ATP2A3: variants seen among roughly 807,000 people sequenced by gnomAD.
ATP2A3 encodes sarcoplasmic/endoplasmic reticulum calcium ATPase 3.
A neutral mutation model predicts 106.8 loss-of-function variants in ATP2A3; 61 were observed. The ratio of observed to expected loss-of-function variants is 0.57; its 90% CI spans 0.46 to 0.71. The LOEUF (loss-of-function observed/expected upper bound fraction) is 0.71. ATP2A3 is among the 30% of genes least tolerant of loss of function. The pLI, the probability that ATP2A3 is intolerant of heterozygous loss-of-function variation, is 0.00. For synonymous variants in ATP2A3, 611 were observed against 609.3 expected, an observed-to-expected ratio of 1.00 and a Z score of -0.04; for missense variants, 1,201 against 1,423.5, an observed-to-expected ratio of 0.84 and a Z score of 2.52.
chr17:3,956,370 T>C (rs2054781361), intron 1 of ATP2A3, among the ~76,000 whole-genome samples: 1 of 152,118 alleles, frequency 6.6e-6, no homozygotes, highest in Non-Finnish European at 1.5e-5. Flanking sequence ...AAGAAGGATG[T>C]GTATTCGTGC....
intron 5 of ATP2A3, 99 bp from the exon 6 acceptor site, chr17:3,950,872 G>C: frequency 8.3e-7 from 1 of 1,202,758 alleles, no homozygotes; most frequent in Admixed American, 2.0e-5. Flanking sequence ...GCTGGGCGTC[G>C]GGTGCCTGAG....
rs1597699610 is a variant in ATP2A3 at position 3,964,376 on chromosome 17, G to C, written c.-85C>G. On this transcript the variant is annotated 5_prime_UTR_variant, in exon 1 of 21. Coordinates refer to ENST00000397041, the MANE Select transcript of ATP2A3 (RefSeq NM_005173.4). ...CTACAAAGCGGGGCGCGGGGGACTC[G>C]GGCCCGGGCGGGCGCCGCGCGAGGC... The C allele has an allele frequency of 1.4e-6, 1 of 718,860 alleles. No individual in the cohort carries two copies. The highest frequency in any genetic ancestry group is 6.2e-5 in the South Asian group (1 of 16,120). 44.5% of individuals were successfully genotyped at this position (718,860 alleles called of 1,614,324 possible). A position where few individuals can be genotyped will look rare whatever the true frequency, so the allele number is the denominator to read the frequency against.
chr17:3,963,085 G>T (rs1423400575), intron 1 of ATP2A3, among the ~76,000 whole-genome samples: 4 of 152,214 alleles, frequency 2.6e-5, no homozygotes, highest in Non-Finnish European at 5.9e-5. Flanking sequence ...ATAAGAGGTG[G>T]TTTTCATAAA....
rs1011902685 is a variant in ATP2A3, at chr17:3,964,280, C to T, written c.12G>A (p.Ala4=). 2.4e-6 allele frequency: 3 copies of T among 1,271,214 alleles called. No individual in the cohort carries two copies. Among genetic ancestry groups the T allele is most frequent in the South Asian group, 1.7e-5 (1 of 58,746 alleles). The allele number at this position is 1,271,214 out of a possible 1,614,324, so 78.7% of individuals were successfully genotyped here. A position where few individuals can be genotyped will look rare whatever the true frequency, so the allele number is the denominator to read the frequency against. The change falls in exon 1 of 21, where the codon GCG becomes GCA. Residue 4 remains alanine, a synonymous_variant. Transcript: ENST00000397041. MEA[A]HLLPAADVLR... ...GCACGTCGGCGGCCGGGAGCAGATG[C>T]GCCGCCTCCATGCCGCCCGCCCGGC...
chr17:3,953,484 CAG>C lies in ATP2A3; in HGVS notation c.137-57_137-56del, dbSNP rs2054574846. The C allele has an allele frequency of 1.3e-6, 2 of 1,592,162 alleles. No individual in the cohort carries two copies. The highest frequency in any genetic ancestry group is 3.3e-5 in the Admixed American group (2 of 59,896). On this transcript the variant is annotated intron_variant, in intron 2 of 20. Transcript: ENST00000397041. This position sits in a 1 kb window ranked among gnomAD's most constrained non-coding sequence, Gnocchi z 5.1. ...GCCCCCACCACTGACCCTGCCCACT[CAG>C]AGCTGGGATGGCCCGGGAGACCTCC...
chr17:3,929,197 G>A lies in ATP2A3; in HGVS notation c.2862+131C>T. 1 of 837,880 alleles carries A rather than the reference G, an allele frequency of 1.2e-6. No homozygotes were observed. The allele number at this position is 837,880 out of a possible 1,614,324, so 51.9% of individuals were successfully genotyped here. ...AGGTGGGGCCACAGCTGGAGGTGGT[G>A]GCTGGCCAGACCTCTCACCTCCCTC... On this transcript the variant is annotated intron_variant, in intron 19 of 20. Transcript: ENST00000397041. The surrounding 1 kb of genome is among the most constrained non-coding windows in gnomAD (Gnocchi z 4.3).
chr17:3,934,314 C>G (rs2053297428), intron 17 of ATP2A3, among the ~76,000 whole-genome samples: 1 of 152,080 alleles, frequency 6.6e-6, no homozygotes, highest in East Asian at 1.9e-4. Flanking sequence ...GCTGTGACCT[C>G]CTGGACTCAA....
chr17:3,954,994 G>A (rs1248262978), intron 1 of ATP2A3, among the ~76,000 whole-genome samples: 1 of 152,220 alleles, frequency 6.6e-6, no homozygotes, highest in East Asian at 1.9e-4. Context: ...CAGTGAGTGA[G>A]TGGGTCTGTG....
Position 3,924,902 on chromosome 17 carries a change from G to GA in ATP2A3, c.*519_*520insT. ...GCCCACCCTCGCTGTACACAGCTGG[G>GA]CCCAGATGGCCCCTTCTGATCCCCC... On this transcript the variant is annotated 3_prime_UTR_variant, in exon 21 of 21. Transcript: ENST00000397041. This position sits in a 1 kb window ranked among gnomAD's most constrained non-coding sequence, Gnocchi z 6.4. The GA allele has an allele frequency of 2.2e-6, 1 of 454,514 alleles. No individual in the cohort carries two copies. The highest frequency in any genetic ancestry group is 4.4e-6 in the Non-Finnish European group (1 of 226,010). The allele number at this position is 454,514 out of a possible 1,614,324, so 28.2% of individuals were successfully genotyped here.
chr17:3,932,678 G>C lies in ATP2A3; in HGVS notation c.2611-2244C>G, dbSNP rs10153275. On this transcript the variant is annotated intron_variant, in intron 17 of 20. Coordinates refer to ENST00000397041, the MANE Select transcript of ATP2A3 (RefSeq NM_005173.4). The stretch of plus-strand genomic sequence containing the variant: ...TGCTCTCAAATTCCTGGGCTCAAGT[G>C]ATCTGCCCGCCTTGGCATCCCAGAG... 2.9e-3 allele frequency among the ~76,000 whole-genome samples: 434 copies of C among 152,268 alleles called. 8 individuals carry two copies. Among genetic ancestry groups the C allele is most frequent in the African/African-American group, 9.8e-3 (406 of 41,524 alleles).
rs373194756 is a variant in ATP2A3 at position 3,951,247 on chromosome 17, A to G, written c.463+4T>C. 1.9e-6 allele frequency: 3 copies of G among 1,560,392 alleles called. No homozygotes were observed. Among genetic ancestry groups the G allele is most frequent in the Non-Finnish European group, 2.6e-6 (3 of 1,153,292 alleles). The stretch of plus-strand genomic sequence containing the variant: ...TAAAATAAAAGGAGGAGGCCCCGGC[A>G]TACCTGCCACTTCTACAATGTCCCC... On this transcript the variant is annotated splice_donor_region_variant and intron_variant, in intron 5 of 20. Transcript: ENST00000397041.
At position 3,947,084 on chromosome 17, in the gene ATP2A3, C is replaced by G. The variant is rs543978278; in HGVS notation, c.1095+307G>C. ...GGCTGAACTTGAGCCTCTCCTATGT[C>G]CTTTACGTTTACCTAGCAGGGCTCA... On this transcript the variant is annotated intron_variant, in intron 8 of 20. Transcript: ENST00000397041. This position sits in a 1 kb window ranked among gnomAD's most constrained non-coding sequence, Gnocchi z 7.7. Among the ~76,000 whole-genome samples the G allele has an allele frequency of 6.6e-6, 1 of 152,242 alleles. No homozygotes were observed. The highest frequency in any genetic ancestry group is 2.4e-5 in the African/African-American group (1 of 41,476).
intron 1 of ATP2A3, among the ~76,000 whole-genome samples, chr17:3,957,490 G>A (rs1052007309): frequency 2.6e-4 from 40 of 152,226 alleles, no homozygotes; most frequent in African/African-American, 9.6e-4. Context: ...CCCCTCTGTA[G>A]AGAGCCCACA....
intron 17 of ATP2A3, among the ~76,000 whole-genome samples, chr17:3,932,146 T>G (rs1310744374): frequency 1.3e-5 from 2 of 152,114 alleles, no homozygotes; most frequent in Non-Finnish European, 2.9e-5. Flanking sequence ...TTTTGTTTTG[T>G]TTTGTTTTTG....
Position 3,929,567 on chromosome 17 carries a change from G to T in ATP2A3, c.2745-122C>A. ...TGCATTGCTGTTGCCCGCTCGGCCT[G>T]CCAGGGCCTGTCCCGGGCTGGGACC... is the stretch of plus-strand genomic sequence containing the variant. On this transcript the variant is annotated intron_variant, in intron 18 of 20. Transcript: ENST00000397041. This position sits in a 1 kb window ranked among gnomAD's most constrained non-coding sequence, Gnocchi z 4.3. 2.4e-6 allele frequency: 2 copies of T among 824,306 alleles called. No individual in the cohort carries two copies. Among genetic ancestry groups the T allele is most frequent in the Non-Finnish European group, 3.9e-6 (2 of 517,338 alleles). 51.1% of individuals were successfully genotyped at this position (824,306 alleles called of 1,614,324 possible).
At position 3,928,823 on chromosome 17, in the gene ATP2A3, G is replaced by T; in HGVS notation, c.2863-43C>A. 6.8e-7 allele frequency: 1 copy of T among 1,461,880 alleles called. No homozygotes were observed. Among genetic ancestry groups the T allele is most frequent in the Non-Finnish European group, 9.4e-7 (1 of 1,067,644 alleles). The allele number at this position is 1,461,880 out of a possible 1,614,324, so 90.6% of individuals were successfully genotyped here. On this transcript the variant is annotated intron_variant, in intron 19 of 20. Transcript: ENST00000397041. This position sits in a 1 kb window ranked among gnomAD's most constrained non-coding sequence, Gnocchi z 6.1. ...GGAGGTTTGGTTAAAGGAAGGACTG[G>T]CTGTCCCGTGCCCCAGCCATCTGCT...
rs1360422357 is a variant in ATP2A3, at chr17:3,941,536, C to T, written c.1664G>A (p.Gly555Asp). 2 of 1,613,926 alleles carry T rather than the reference C, an allele frequency of 1.2e-6. No homozygotes were observed. The highest frequency in any genetic ancestry group is 3.3e-5 in the Admixed American group (2 of 60,026). ...TGCCAGGCAGCGCAGCGTGTCTGAG[C>T]CTGAGCCCCAATCCCGGATCTTTGC... Reference protein sequence around the residue: ...ILAKIRDWGSGSDTLRCLALA... With the variant: ...ILAKIRDWGSDSDTLRCLALA... Residue 555 changes from glycine (G) to aspartate (D), a missense_variant, in exon 13 of 21, where the codon GGC becomes GAC. Physicochemically the swap from Gly to Asp is moderately conservative, Grantham distance 94 (BLOSUM62 -1). Around this residue, in one of 2 missense-constraint regions of ATP2A3, gnomAD observed 935 missense variants for 1,176.7 expected, o/e 0.79. Transcript: ENST00000397041.
intron 15 of ATP2A3, 122 bp downstream of exon 15, chr17:3,937,294 C>G: frequency 8.3e-7 from 1 of 1,205,218 alleles, no homozygotes; most frequent in Non-Finnish European, 1.2e-6. Flanking sequence ...CTGGAAAGCC[C>G]CAGCCAGGGC....
In ATP2A3 at chr17:3,953,250, G is replaced by C; in HGVS notation, c.219+97C>G. The stretch of plus-strand genomic sequence containing the variant: ...CAGGGCGCAGGCCCAGGGTGTGGAG[G>C]ACAGGCCCAGGCTCCAGGACCTCGG... On this transcript the variant is annotated intron_variant, in intron 3 of 20. Transcript: ENST00000397041. This position sits in a 1 kb window ranked among gnomAD's most constrained non-coding sequence, Gnocchi z 5.1. 2 of 1,364,876 alleles carry C rather than the reference G, an allele frequency of 1.5e-6. No homozygotes were observed. The highest frequency in any genetic ancestry group is 2.1e-6 in the Non-Finnish European group (2 of 954,882). The allele number at this position is 1,364,876 out of a possible 1,614,324, so 84.5% of individuals were successfully genotyped here.
Sources: allele counts gnomAD v4.1 joint callset (sites outside exome capture counted in the v4.1 genomes callset), GRCh38; gene constraint gnomAD v4.1.1; regional missense constraint gnomAD v4.1.1; non-coding constraint Gnocchi (gnomAD v3.1); transcripts MANE v1.5; gene names NCBI Gene and HGNC (gene_info 2026-07-23, HGNC 2026-07-21).